The following DOCK3 variants were observed in gnomAD, a reference collection of about 807,000 sequenced individuals.
DOCK3 encodes the protein dedicator of cytokinesis protein 3.
In DOCK3, 60 loss-of-function variants were observed where a neutral mutation model predicts 265.6. That is an observed-to-expected ratio of 0.23 (90% CI 0.18 to 0.28). The LOEUF (loss-of-function observed/expected upper bound fraction) is 0.28, where lower values mean the gene tolerates loss of function less well. DOCK3 is among the 10% of genes least tolerant of loss of function. The pLI, the probability that DOCK3 is intolerant of heterozygous loss-of-function variation, is 1.00. For synonymous variants in DOCK3, 881 were observed against 938.0 expected (o/e 0.94, Z 1.11); for missense variants, 1,981 against 2,594.3 (o/e 0.76, Z 5.14).
At chr3:50,784,588 G>T (rs921185241) in intron 2 of DOCK3, among the ~76,000 whole-genome samples, 1 of 152,128 alleles carries the variant, frequency 6.6e-6, no homozygotes, top group Non-Finnish European at 1.5e-5. Flanking sequence ...TAAATTTGTA[G>T]ACTGCTTTTG....
At chr3:51,112,102 C>T (rs1560077644) in intron 9 of DOCK3, among the ~76,000 whole-genome samples, 1 of 152,134 alleles carries the variant, frequency 6.6e-6, no homozygotes, top group African/African-American at 2.4e-5. Flanking sequence ...CACTTATACA[C>T]TGTTGGTGGG....
chr3:51,021,389 C>A (rs1397789512), intron 5 of DOCK3, among the ~76,000 whole-genome samples: 1 of 152,158 alleles, frequency 6.6e-6, no homozygotes, highest in Non-Finnish European at 1.5e-5. Flanking sequence ...GTGAACCTCT[C>A]AGTGGAAATC....
chr3:50,978,472 G>A (rs1286369528), intron 5 of DOCK3, among the ~76,000 whole-genome samples: 1 of 152,210 alleles, frequency 6.6e-6, no homozygotes, highest in Non-Finnish European at 1.5e-5. Context: ...TCAGGTGTCA[G>A]GGACCCTCTT....
rs772284267 is a variant in DOCK3 at position 50,723,911 on chromosome 3, A to G, written c.37+48611A>G. Among the ~76,000 whole-genome samples, 4 of 152,202 alleles carry G rather than the reference A, an allele frequency of 2.6e-5. No individual in the cohort carries two copies. In the South Asian group the frequency reaches 8.3e-4, roughly 32 times the overall value. On this transcript the variant is annotated intron_variant, in intron 1 of 52. Transcript: ENST00000266037. ...AAACTATCATCAGAGTTAACAGGAA[A>G]CCTACAGAATTGGAGAATATTTTTG...
intron 1 of DOCK3, among the ~76,000 whole-genome samples, chr3:50,735,296 C>G (rs776826249): frequency 6.6e-6 from 1 of 151,974 alleles, no homozygotes; most frequent in Non-Finnish European, 1.5e-5. Context: ...TATGTTTATT[C>G]TATATGAGGT....
chr3:50,988,650 C>A (rs1360171316), intron 5 of DOCK3, among the ~76,000 whole-genome samples: 1 of 152,190 alleles, frequency 6.6e-6, no homozygotes, highest in African/African-American at 2.4e-5. Flanking sequence ...CAACTGGCCC[C>A]TGTCTCCCTG....
intron 5 of DOCK3, among the ~76,000 whole-genome samples, chr3:51,051,812 C>A (rs1222246376): frequency 6.6e-6 from 1 of 152,096 alleles, no homozygotes. Context: ...AGCTTTTACT[C>A]ATGTCAGGAG....
chr3:50,715,705 T>C (rs1341471160), intron 1 of DOCK3, among the ~76,000 whole-genome samples: 1 of 152,126 alleles, frequency 6.6e-6, no homozygotes, highest in Non-Finnish European at 1.5e-5. Context: ...TGACTGCCCA[T>C]AGTTCCAACC....
intron 2 of DOCK3, among the ~76,000 whole-genome samples, chr3:50,805,491 C>A (rs1559662763): frequency 6.6e-6 from 1 of 152,124 alleles, no homozygotes; most frequent in African/African-American, 2.4e-5. Flanking sequence ...ACATACCTTC[C>A]AGGAATGGCT....
chr3:50,865,858 G>A (rs1190836789), intron 3 of DOCK3, among the ~76,000 whole-genome samples: 6 of 152,138 alleles, frequency 3.9e-5, no homozygotes, highest in Non-Finnish European at 8.8e-5. Flanking sequence ...ACTGGGGTGA[G>A]ATGATATTTC....
intron 19 of DOCK3, among the ~76,000 whole-genome samples, chr3:51,232,134 T>TC (rs2078147674): frequency 6.6e-6 from 1 of 152,190 alleles, no homozygotes; most frequent in South Asian, 2.1e-4. Flanking sequence ...ACTCTCTTTT[T>TC]TATGTTTTTT....
chr3:51,280,007 C>A, intron 26 of DOCK3, 99 bp from the exon 27 acceptor site: 1 of 864,834 alleles, frequency 1.2e-6, no homozygotes, highest in Non-Finnish European at 1.8e-6. Context: ...ATCATTGGGG[C>A]CATCTCAGAC....
chr3:50,686,084 A>G (rs1276224596), intron 1 of DOCK3, among the ~76,000 whole-genome samples: 3 of 152,118 alleles, frequency 2.0e-5, no homozygotes, highest in East Asian at 3.9e-4. Context: ...TTTTTATTAC[A>G]TTGTAATATA....
chr3:50,773,379 T>TA (rs1196916280), intron 1 of DOCK3, among the ~76,000 whole-genome samples: 1 of 151,680 alleles, frequency 6.6e-6, no homozygotes, highest in African/African-American at 2.4e-5. Flanking sequence ...TATATTAATT[T>TA]AAAAAAAATC....
intron 5 of DOCK3, among the ~76,000 whole-genome samples, chr3:51,013,502 C>A (rs1453218708): frequency 6.6e-6 from 1 of 152,144 alleles, no homozygotes; most frequent in African/African-American, 2.4e-5. Context: ...GCAAATATTG[C>A]AGAATAGCAA....
chr3:51,310,600 C>T (rs1318558853), intron 28 of DOCK3, among the ~76,000 whole-genome samples: 2 of 152,216 alleles, frequency 1.3e-5, no homozygotes, highest in African/African-American at 4.8e-5. Flanking sequence ...GCCTCTGCTG[C>T]CCTATAGGTT....
chr3:50,912,137 G>A (rs1009491897), intron 4 of DOCK3, among the ~76,000 whole-genome samples: 12 of 151,976 alleles, frequency 7.9e-5, no homozygotes, highest in African/African-American at 1.9e-4. Flanking sequence ...TACTTCCTCC[G>A]TTCCACTTTA....
intron 7 of DOCK3, among the ~76,000 whole-genome samples, chr3:51,087,598 T>C (rs377605609): frequency 1.3e-5 from 2 of 152,284 alleles, no homozygotes; most frequent in South Asian, 4.1e-4. Context: ...CTTTTAATTC[T>C]CCTATTCAAC....
intron 23 of DOCK3, among the ~76,000 whole-genome samples, chr3:51,265,395 A>C (rs1423820684): frequency 6.6e-6 from 1 of 152,204 alleles, no homozygotes; most frequent in Non-Finnish European, 1.5e-5. Context: ...GGGACACAAC[A>C]AAAACAGAAA....
Sources: gnomAD v4.1 joint callset for allele counts (sites outside exome capture counted in the v4.1 genomes callset) on GRCh38, gnomAD v4.1.1 for gene constraint, MANE v1.5 for transcripts, NCBI Gene and HGNC (gene_info 2026-07-23, HGNC 2026-07-21) for gene names.